The following NYAP2 variants were observed in gnomAD, a reference collection of about 807,000 sequenced individuals.
NYAP2 encodes the protein neuronal tyrosine-phosphorylated phosphoinositide-3-kinase adapter 2.
Under a neutral mutation model 50.4 loss-of-function variants are expected in NYAP2, and 23 were observed. The ratio of observed to expected loss-of-function variants is 0.46; its 90% CI spans 0.33 to 0.65. NYAP2 has a LOEUF of 0.65. Among genes scored for constraint, NYAP2 ranks in the 30% least tolerant of loss-of-function variants. NYAP2 has a pLI of 0.02. For missense variants in NYAP2, 885 were observed against 861.0 expected, an observed-to-expected ratio of 1.03 and a Z score of -0.35; for synonymous variants, 394 against 365.2, an observed-to-expected ratio of 1.08 and a Z score of -0.90.
At chr2:225,625,675 C>T (rs1429602528) in intron 5 of NYAP2, among the ~76,000 whole-genome samples, 5 of 151,970 alleles carry the variant, frequency 3.3e-5, no homozygotes, top group Non-Finnish European at 5.9e-5. Context: ...CAATGTAATA[C>T]AGGTAGGTTA....
intron 4 of NYAP2, among the ~76,000 whole-genome samples, chr2:225,561,357 A>G (rs541102987): frequency 6.6e-6 from 1 of 152,210 alleles, no homozygotes; most frequent in East Asian, 1.9e-4. Context: ...CTTGGCAGTT[A>G]GGAATAGGAA....
chr2:225,410,290 C>A (rs745850924), intron 3 of NYAP2, among the ~76,000 whole-genome samples: 1 of 151,990 alleles, frequency 6.6e-6, no homozygotes, highest in Admixed American at 6.6e-5. Context: ...CATAATTGAT[C>A]AACATTTTCA....
At chr2:225,629,052 T>A (rs373967025) in intron 6 of NYAP2, among the ~76,000 whole-genome samples, 7 of 152,164 alleles carry the variant, frequency 4.6e-5, no homozygotes, top group Admixed American at 3.3e-4. Context: ...CGCATAATCA[T>A]GCAGGCAGAA....
At chr2:225,643,821 A>G (rs1199828992) in intron 6 of NYAP2, among the ~76,000 whole-genome samples, 1 of 151,024 alleles carries the variant, frequency 6.6e-6, no homozygotes, top group African/African-American at 2.4e-5. Flanking sequence ...TATGTGCCAC[A>G]TTTTCTTAAT....
At chr2:225,598,544 GA>G (rs1366291635) in intron 5 of NYAP2, among the ~76,000 whole-genome samples, 10 of 151,962 alleles carry the variant, frequency 6.6e-5, no homozygotes, top group Admixed American at 3.3e-4. Flanking sequence ...TATTTGAGAT[GA>G]AAAAAATTAA....
At chr2:225,506,331 G>T (rs1249337250) in intron 3 of NYAP2, among the ~76,000 whole-genome samples, 3 of 152,204 alleles carry the variant, frequency 2.0e-5, no homozygotes, top group Non-Finnish European at 4.4e-5. Flanking sequence ...GGCCAATGGG[G>T]CTGGGGAGAG....
chr2:225,421,986 A>G (rs1695223773), intron 3 of NYAP2, among the ~76,000 whole-genome samples: 1 of 152,002 alleles, frequency 6.6e-6, no homozygotes, highest in Admixed American at 6.5e-5. Context: ...ACATAATTTT[A>G]CATTTATTTC....
At position 225,512,831 on chromosome 2, in the gene NYAP2, C is replaced by CTTTCTTTCTTTCTTTCTTTCTTTCTT. The variant is rs549251468; in HGVS notation, c.222-539_222-538insTTCTTTCTTTCTTTCTTTCTTTCTTT. Among the ~76,000 whole-genome samples, 133 of 77,488 alleles carry CTTTCTTTCTTTCTTTCTTTCTTTCTT rather than the reference C, an allele frequency of 1.7e-3. 7 individuals are homozygous for CTTTCTTTCTTTCTTTCTTTCTTTCTT. Among genetic ancestry groups the CTTTCTTTCTTTCTTTCTTTCTTTCTT allele is most frequent in the African/African-American group, 6.0e-3 (123 of 20,380 alleles). 50.8% of individuals were successfully genotyped at this position (77,488 alleles called of 152,430 possible). A position where few individuals can be genotyped will look rare whatever the true frequency, so the allele number is the denominator to read the frequency against. Reference sequence around the variant, plus strand: ...TTCTTTTCTTTCTTTCTCTCTCTCTCTCTCTCTTTCTTTCTTTCTTTCTTC... The same window carrying CTTTCTTTCTTTCTTTCTTTCTTTCTT: ...TTCTTTTCTTTCTTTCTCTCTCTCTCTTTCTTTCTTTCTTTCTTTCTTTCTTTCTCTCTTTCTTTCTTTCTTTCTTC... On this transcript the variant is annotated intron_variant, in intron 3 of 6. Transcript: ENST00000636099.
chr2:225,399,538 A>G (rs1056788884), upstream of NYAP2, among the ~76,000 whole-genome samples: 1 of 152,066 alleles, frequency 6.6e-6, no homozygotes, highest in Non-Finnish European at 1.5e-5. Flanking sequence ...TAGTTAAAAA[A>G]ATGTGCAGTC....
intron 4 of NYAP2, among the ~76,000 whole-genome samples, chr2:225,518,473 C>T (rs1397470197): frequency 3.0e-5 from 4 of 135,520 alleles, no homozygotes; most frequent in Admixed American, 8.0e-5. Flanking sequence ...ATTGAGCATC[C>T]TTAAGAGACT....
rs114471983 is a variant in NYAP2, at chr2:225,639,118, C to G, written c.1828+11992C>G. Among the ~76,000 whole-genome samples, 105 of 152,044 alleles carry G rather than the reference C, an allele frequency of 6.9e-4. 1 individual carries two copies. The highest frequency in any genetic ancestry group is 1.3e-3 in the Non-Finnish European group (91 of 67,994). On this transcript the variant is annotated intron_variant, in intron 6 of 6. Transcript: ENST00000636099. ...AGTTTCTCTAAAGCACAAGAAAGAC[C>G]TTTGCTCCCCCAGAACAGGTTGGTA...
rs143524491 is a variant in NYAP2 at position 225,545,566 on chromosome 2, T to C, written c.523+31894T>C. Among the ~76,000 whole-genome samples the C allele has an allele frequency of 5.1e-3, 783 of 152,274 alleles. 12 individuals are homozygous for C. Among genetic ancestry groups the C allele is most frequent in the African/African-American group, 0.018 (739 of 41,558 alleles). On this transcript the variant is annotated intron_variant, in intron 4 of 6. Coordinates refer to ENST00000636099, the Ensembl canonical transcript of NYAP2. ...TTTTTCAATCTCTTTGTTAAATGCA[T>C]CTGATAGAGTTCTGAATTTTTTCTC...
chr2:225,632,348 T>G (rs1044507917), intron 6 of NYAP2, among the ~76,000 whole-genome samples: 1 of 152,184 alleles, frequency 6.6e-6, no homozygotes, highest in Non-Finnish European at 1.5e-5. Context: ...ATTCTACTTA[T>G]AAACCCCTCC....
chr2:225,521,587 C>A (rs1049708520), intron 4 of NYAP2, among the ~76,000 whole-genome samples: 23 of 151,890 alleles, frequency 1.5e-4, no homozygotes, highest in African/African-American at 5.6e-4. Flanking sequence ...TATTGATTTG[C>A]GTATATTGAA....
At chr2:225,431,801 A>T (rs1003855358) in intron 3 of NYAP2, among the ~76,000 whole-genome samples, 1 of 152,218 alleles carries the variant, frequency 6.6e-6, no homozygotes, top group Non-Finnish European at 1.5e-5. Context: ...TCTACTGTGA[A>T]CACAGAAATG....
At chr2:225,481,775 A>T (rs1263938783) in intron 3 of NYAP2, among the ~76,000 whole-genome samples, 1 of 151,894 alleles carries the variant, frequency 6.6e-6, no homozygotes, top group Non-Finnish European at 1.5e-5. Context: ...GCAAGGTTCC[A>T]CCCCCTTAGG....
At chr2:225,503,704 G>C (rs1468165722) in intron 3 of NYAP2, among the ~76,000 whole-genome samples, 2 of 152,092 alleles carry the variant, frequency 1.3e-5, no homozygotes, top group African/African-American at 4.8e-5. Context: ...TAAGTTGTGT[G>C]CTTGTTTTTC....
At chr2:225,425,357 C>T (rs1361840031) in intron 3 of NYAP2, among the ~76,000 whole-genome samples, 3 of 152,170 alleles carry the variant, frequency 2.0e-5, no homozygotes, top group Non-Finnish European at 4.4e-5. Flanking sequence ...TGATGGATTA[C>T]ACACAGAGCA....
At chr2:225,636,393 G>A (rs1161223652) in intron 6 of NYAP2, among the ~76,000 whole-genome samples, 3 of 151,300 alleles carry the variant, frequency 2.0e-5, no homozygotes, top group African/African-American at 7.3e-5. Context: ...ATTTCTTCAT[G>A]TGGCCCATCT....
Sources: allele counts gnomAD v4.1 joint callset (sites outside exome capture counted in the v4.1 genomes callset), GRCh38; gene constraint gnomAD v4.1.1; transcripts MANE v1.5; gene names NCBI Gene and HGNC (gene_info 2026-07-23, HGNC 2026-07-21).